HLA-DRB1: variants seen among roughly 807,000 people sequenced by gnomAD.
The protein encoded by HLA-DRB1 is major histocompatibility complex, class II, DR beta 1 precursor.
In HLA-DRB1, 10 loss-of-function variants were observed where a neutral mutation model predicts 27.9. The observed-to-expected ratio is 0.36, with a 90% CI of 0.22 to 0.61. HLA-DRB1 has a LOEUF of 0.61. HLA-DRB1 is among the 20% of genes least tolerant of loss of function. HLA-DRB1 has a pLI of 0.73. For synonymous variants in HLA-DRB1, 57 were observed against 126.7 expected (o/e 0.45, Z 3.69); for missense variants, 118 against 306.3 (o/e 0.39, Z 4.59).
intron 1 of HLA-DRB1, among the ~76,000 whole-genome samples, chr6:32,585,817 G>A (rs1453987826): frequency 6.9e-6 from 1 of 145,714 alleles, no homozygotes; most frequent in African/African-American, 2.6e-5. Context: ...TTGTAATACT[G>A]GGTGTTACTT....
At chr6:32,582,769 G>A (rs1213964896) in intron 2 of HLA-DRB1, among the ~76,000 whole-genome samples, 2 of 124,796 alleles carry the variant, frequency 1.6e-5, no homozygotes, top group African/African-American at 3.1e-5. Flanking sequence ...TTTCTTTCCA[G>A]AATCACATTT....
At chr6:32,588,898 T>C (rs1776939637) in intron 1 of HLA-DRB1, among the ~76,000 whole-genome samples, 1 of 130,292 alleles carries the variant, frequency 7.7e-6, no homozygotes, top group Non-Finnish European at 1.6e-5. Context: ...TTAAAAAAGA[T>C]TCATAATGAA....
chr6:32,582,095 A>G (rs1348476090), intron 2 of HLA-DRB1, among the ~76,000 whole-genome samples: 7 of 92,916 alleles, frequency 7.5e-5, no homozygotes, highest in Admixed American at 1.2e-4. Context: ...CAAACTGTTT[A>G]CAAATCTTGG....
chr6:32,582,117 T>A (rs1775624928), intron 2 of HLA-DRB1, among the ~76,000 whole-genome samples: 1 of 117,160 alleles, frequency 8.5e-6, no homozygotes, highest in African/African-American at 3.6e-5. Context: ...AAGTACAGAG[T>A]GTAGTAATTA....
Position 32,583,853 on chromosome 6 carries a change from T to C in HLA-DRB1, c.370+256A>G, listed in dbSNP as rs1170170363. On this transcript the variant is annotated intron_variant, in intron 2 of 5. Coordinates refer to ENST00000360004, the Ensembl canonical transcript of HLA-DRB1. ...TCTCCAAGGATAAGAAACAGCCCCC[T>C]CCTGCCTCCCCTCCCACAACAGACA... Among the ~76,000 whole-genome samples the C allele has an allele frequency of 4.5e-4, 30 of 66,658 alleles. 4 individuals carry two copies. Among genetic ancestry groups the C allele is most frequent in the African/African-American group, 1.9e-3 (30 of 16,200 alleles). 43.7% of individuals were successfully genotyped at this position (66,658 alleles called of 152,430 possible). A position where few individuals can be genotyped will look rare whatever the true frequency, so the allele number is the denominator to read the frequency against.
At chr6:32,586,669 G>GCCTCA (rs1554128702) in intron 1 of HLA-DRB1, among the ~76,000 whole-genome samples, 13,351 of 60,372 alleles carry the variant, frequency 0.22, 2,939 homozygotes, top group Admixed American at 0.33. Context: ...TGAAGCCCTG[G>GCCTCA]CCTCACCATG....
At chr6:32,588,789 A>AT (rs9281888) in intron 1 of HLA-DRB1, among the ~76,000 whole-genome samples, 4,696 of 92,918 alleles carry the variant, frequency 0.051, 331 homozygotes, top group Middle Eastern at 0.15. Context: ...TTTTTGACTT[A>AT]AAAAATAGAA....
chr6:32,588,337 C>T (rs5000808), intron 1 of HLA-DRB1, among the ~76,000 whole-genome samples: 16,753 of 117,776 alleles, frequency 0.14, 145 homozygotes, highest in Middle Eastern at 0.3. Context: ...GCCTGTATTC[C>T]CAGCTACTCT....
intron 1 of HLA-DRB1, among the ~76,000 whole-genome samples, chr6:32,588,716 C>T (rs9270212): frequency 0.027 from 969 of 36,476 alleles, 50 homozygotes; most frequent in Middle Eastern, 0.12. Flanking sequence ...ATGTTCACAT[C>T]ATCTCGGTAA....
intron 1 of HLA-DRB1, among the ~76,000 whole-genome samples, chr6:32,589,397 A>T (rs34922289): frequency 0.14 from 14,503 of 104,528 alleles, 6 homozygotes; most frequent in East Asian, 0.18. Context: ...ATGTGATGCA[A>T]AGGTTTTATT....
chr6:32,584,166 C>A (rs61759934), exon 2 of HLA-DRB1: 1 of 1,258,358 alleles, frequency 7.9e-7, no homozygotes, highest in Non-Finnish European at 1.1e-6. Context: ...CAGTAGGTGT[C>A]CACCGCGGCC....
In HLA-DRB1 at chr6:32,579,894, G is replaced by C. The variant is rs1355787912; in HGVS notation, c.787+353C>G. Among the ~76,000 whole-genome samples, 2 of 34,226 alleles carry C rather than the reference G, an allele frequency of 5.8e-5. 1 individual carries two copies. The highest frequency in any genetic ancestry group is 1.2e-4 in the Non-Finnish European group (2 of 16,374). 22.5% of individuals were successfully genotyped at this position (34,226 alleles called of 152,430 possible). ...CGAGGCGGGCGGATCACGAGGTCAGGAGATCGAGACCATCCTGGCTAAAAC... is the reference window on the plus strand; with the variant it reads ...CGAGGCGGGCGGATCACGAGGTCAGCAGATCGAGACCATCCTGGCTAAAAC... On this transcript the variant is annotated intron_variant, in intron 5 of 5. Coordinates refer to ENST00000360004, the Ensembl canonical transcript of HLA-DRB1.
At chr6:32,585,769 C>T (rs1333088079) in intron 1 of HLA-DRB1, among the ~76,000 whole-genome samples, 2 of 136,288 alleles carry the variant, frequency 1.5e-5, no homozygotes, top group African/African-American at 2.8e-5. Context: ...TTTCTATATG[C>T]TCAGATTTAA....
At chr6:32,589,011 A>G (rs9270231) in intron 1 of HLA-DRB1, among the ~76,000 whole-genome samples, 38,712 of 73,508 alleles carry the variant, frequency 0.53, 13,414 homozygotes, top group Middle Eastern at 0.74. Context: ...AAGTATTAAC[A>G]ATCTCAGCTT....
At chr6:32,581,034 A>G (rs28732299) in intron 3 of HLA-DRB1, among the ~76,000 whole-genome samples, 178 bp from the exon 4 acceptor site, 905 of 79,398 alleles carry the variant, frequency 0.011, 48 homozygotes, top group Middle Eastern at 0.026. Flanking sequence ...CGACGTTCAG[A>G]CATCAAACTC....
chr6:32,584,494 CA>C (rs1554127227), intron 1 of HLA-DRB1, 116 bp from the exon 2 acceptor site: 7 of 663,030 alleles, frequency 1.1e-5, no homozygotes, highest in East Asian at 9.3e-5. Flanking sequence ...TAACCGGCCC[CA>C]CCCGCAACGC....
chr6:32,586,075 T>C (rs1244392400), intron 1 of HLA-DRB1, among the ~76,000 whole-genome samples: 1 of 76,350 alleles, frequency 1.3e-5, no homozygotes, highest in Non-Finnish European at 2.7e-5. Context: ...CTGGCTGTGT[T>C]AAATATTGGC....
intron 2 of HLA-DRB1, among the ~76,000 whole-genome samples, chr6:32,583,531 G>A (rs571787506): frequency 0.27 from 17,199 of 63,490 alleles, 6,226 homozygotes; most frequent in Non-Finnish European, 0.28. Flanking sequence ...AAGCTTCAGA[G>A]GTGCCTCAGA....
At chr6:32,580,848 A>C in exon 4 of HLA-DRB1, 1 of 1,612,680 alleles carries the variant, frequency 6.2e-7, no homozygotes, top group South Asian at 1.1e-5. Flanking sequence ...GCAGATTCAG[A>C]CCGTGCTCCT....
Sources: gnomAD v4.1 joint callset for allele counts (sites outside exome capture counted in the v4.1 genomes callset) on GRCh38, gnomAD v4.1.1 for gene constraint, MANE v1.5 for transcripts, NCBI Gene and HGNC (gene_info 2026-07-23, HGNC 2026-07-21) for gene names.